Variants in ITFG2 observed in about 807,000 individuals in gnomAD.
ITFG2 encodes the protein integrin alpha FG-GAP repeat containing 2, also known as KICSTOR complex protein ITFG2.
ITFG2 carries 36 observed loss-of-function variants against 54.4 expected under a neutral mutation model. That is an observed-to-expected ratio of 0.66 (90% CI 0.51 to 0.87). The LOEUF is 0.87. ITFG2 is among the 40% of genes least tolerant of loss of function. ITFG2 has a pLI of 0.00. For missense variants in ITFG2, 524 were observed against 576.7 expected, an observed-to-expected ratio of 0.91 and a Z score of 0.94; for synonymous variants, 211 against 225.4, an observed-to-expected ratio of 0.94 and a Z score of 0.57.
chr12:2,853,404 C>G (rs2098077167), intron 2 of ITFG2, among the ~76,000 whole-genome samples: 1 of 152,148 alleles, frequency 6.6e-6, no homozygotes, highest in South Asian at 2.1e-4. Context: ...TCCTGAGTAG[C>G]TGGGATTACA....
At chr12:2,839,885 T>C (rs550018265) in intron 1 of ITFG2, among the ~76,000 whole-genome samples, 133 of 152,266 alleles carry the variant, frequency 8.7e-4, no homozygotes, top group Middle Eastern at 3.4e-3. Flanking sequence ...TTTTCACTTA[T>C]AAGCGGGAGC....
intron 3 of ITFG2, chr12:2,859,483 G>A: frequency 6.2e-7 from 1 of 1,613,966 alleles, no homozygotes; most frequent in Non-Finnish European, 8.5e-7. Flanking sequence ...TCTTCCAAGG[G>A]AGGGCTCTCC....
rs748742342 is a variant in ITFG2 at position 2,824,136 on chromosome 12, C to T, written c.1287C>T (p.Leu429=). ...CTCGTGCCCTGCTTCACCAAACGCT[C>T]TACCATCCAGACCAGCCACCACAGT... ...PVTRALLHQT[L]YHPDQPPQCA... The change falls in exon 12 of 12, where the codon CTC becomes CTT. Residue 429 remains leucine, a synonymous_variant. Coordinates refer to ENST00000228799, the MANE Select transcript of ITFG2 (RefSeq NM_018463.4). 3 of 1,614,212 alleles carry T rather than the reference C, an allele frequency of 1.9e-6. No individual in the cohort carries two copies. The highest frequency in any genetic ancestry group is 2.5e-6 in the Non-Finnish European group (3 of 1,180,044).
intron 2 of ITFG2, chr12:2,855,116 T>TG (rs752045113): frequency 8.5e-6 from 13 of 1,531,798 alleles, no homozygotes; most frequent in East Asian, 7.4e-5. Flanking sequence ...GGGTGCTCCG[T>TG]GGGGGGGCAT....
At chr12:2,852,613 C>T (rs2153929085) in intron 2 of ITFG2, among the ~76,000 whole-genome samples, 1 of 152,254 alleles carries the variant, frequency 6.6e-6, no homozygotes. Flanking sequence ...GATCCTCCCA[C>T]TTCGGCCTCC....
chr12:2,824,062 C>T (rs1454679267), intron 11 of ITFG2, 28 bp from the exon 12 acceptor site: 1 of 1,613,970 alleles, frequency 6.2e-7, no homozygotes, highest in East Asian at 2.2e-5. Context: ...GACCCACAGC[C>T]TCTTACCCAC....
chr12:2,859,509 G>T, intron 3 of ITFG2: 1 of 1,613,888 alleles, frequency 6.2e-7, no homozygotes, highest in Non-Finnish European at 8.5e-7. Flanking sequence ...GATGGGTCTC[G>T]CTAAGTGTGG....
chr12:2,817,270 T>C lies in ITFG2; in HGVS notation c.144T>C (p.Tyr48=). The change falls in exon 2 of 12, where the codon TAT becomes TAC. Residue 48 remains tyrosine (Y), a synonymous_variant. Coordinates refer to ENST00000228799, the MANE Select transcript of ITFG2 (RefSeq NM_018463.4). ...ACACCAGCGGGAAGGTGTCTGTGTA[T>C]AAAAATGATGACAGTCGGCCATGGC... ...VGDTSGKVSV[Y]KNDDSRPWLT... is the part of the protein sequence containing the mutation. The C allele has an allele frequency of 6.2e-7, 1 of 1,614,030 alleles. No individual in the cohort carries two copies. Among genetic ancestry groups the C allele is most frequent in the African/African-American group, 1.3e-5 (1 of 75,036 alleles).
intron 3 of ITFG2, chr12:2,858,831 G>C: frequency 6.2e-7 from 1 of 1,614,188 alleles, no homozygotes; most frequent in Non-Finnish European, 8.5e-7. Context: ...GCCTGGCTTG[G>C]GGACGTCTAT....
At chr12:2,830,376 A>G (rs2097995277) in intron 2 of ITFG2, 1 of 205,820 alleles carries the variant, frequency 4.9e-6, no homozygotes, top group Non-Finnish European at 9.6e-6. Context: ...ATGCCTTAGA[A>G]CACATGAGTT....
chr12:2,849,371 C>T (rs769513040), intron 2 of ITFG2: 164 of 1,536,030 alleles, frequency 1.1e-4, no homozygotes, highest in African/African-American at 2.1e-4. Context: ...CTCAGGGGCG[C>T]GCTGGGCAGC....
chr12:2,846,684 T>C (rs1170432355), intron 2 of ITFG2, among the ~76,000 whole-genome samples: 1 of 151,764 alleles, frequency 6.6e-6, no homozygotes, highest in African/African-American at 2.4e-5. Flanking sequence ...ATTGGGTAAA[T>C]TCCCAGAGCC....
intron 4 of ITFG2, 100 bp downstream of exon 4, chr12:2,818,377 T>A: frequency 6.4e-7 from 1 of 1,551,550 alleles, no homozygotes; most frequent in Non-Finnish European, 8.7e-7. Flanking sequence ...TCCGTATTCA[T>A]GTATGCATTT....
intron 2 of ITFG2, among the ~76,000 whole-genome samples, chr12:2,846,294 G>A (rs917392674): frequency 8.5e-5 from 13 of 152,180 alleles, no homozygotes; most frequent in Non-Finnish European, 1.3e-4. Flanking sequence ...CTTTCTGCCC[G>A]CCCCTAGCTT....
chr12:2,834,630 G>T, upstream of ITFG2: 1 of 1,571,442 alleles, frequency 6.4e-7, no homozygotes, highest in African/African-American at 1.4e-5. Flanking sequence ...CAGGGGAGGG[G>T]TGATGCCTCA....
intron 2 of ITFG2, chr12:2,855,053 A>C (rs1354415761): frequency 6.5e-7 from 1 of 1,536,030 alleles, no homozygotes; most frequent in East Asian, 2.4e-5. Context: ...GTGGGATAAC[A>C]GTGGATGAAG....
chr12:2,840,323 C>T (rs924786503), intron 1 of ITFG2, among the ~76,000 whole-genome samples: 2 of 151,830 alleles, frequency 1.3e-5, no homozygotes, highest in Admixed American at 6.6e-5. Context: ...TGTGGTGGCT[C>T]ATGCCTGTAG....
At chr12:2,828,486 C>T, downstream of ITFG2, 1 of 1,151,362 alleles carries the variant, frequency 8.7e-7, no homozygotes. Flanking sequence ...CTTCAGTTTC[C>T]CAGCCCATTG....
chr12:2,847,926 A>G (rs2098058015), intron 2 of ITFG2, among the ~76,000 whole-genome samples: 1 of 152,124 alleles, frequency 6.6e-6, no homozygotes, highest in African/African-American at 2.4e-5. Context: ...CTATCTACTT[A>G]TTATTTTTAT....
Sources: allele counts gnomAD v4.1 joint callset (sites outside exome capture counted in the v4.1 genomes callset), GRCh38; gene constraint gnomAD v4.1.1; transcripts MANE v1.5; gene names NCBI Gene and HGNC (gene_info 2026-07-23, HGNC 2026-07-21).